CCN4: variants seen among roughly 807,000 people sequenced by gnomAD.
CCN4 encodes CCN family member 4.
CCN4 carries 30 observed loss-of-function variants against 36.7 expected under a neutral mutation model. The ratio of observed to expected loss-of-function variants is 0.82; its 90% CI spans 0.61 to 1.11. The LOEUF (loss-of-function observed/expected upper bound fraction) is 1.11, where lower values mean the gene tolerates loss of function less well. CCN4 is among the 50% of genes least tolerant of loss of function. The pLI is 0.00. For missense variants in CCN4, 505 were observed against 504.9 expected (o/e 1.00, Z 0.00); for synonymous variants, 191 against 195.4 (o/e 0.98, Z 0.19).
chr8:133,192,192 G>A (rs933483384), intron 1 of CCN4, among the ~76,000 whole-genome samples: 12 of 152,178 alleles, frequency 7.9e-5, no homozygotes, highest in African/African-American at 2.9e-4. Flanking sequence ...TTCCTTGGGG[G>A]TTAAGAAGCC....
intron 1 of CCN4, among the ~76,000 whole-genome samples, chr8:133,212,526 T>A (rs532316118): frequency 6.6e-6 from 1 of 151,926 alleles, no homozygotes; most frequent in South Asian, 2.1e-4. Flanking sequence ...GGCCTCGGCT[T>A]TCTCCCTGTA....
rs867849782 is a variant in CCN4 at position 133,206,190 on chromosome 8, T to C, written c.70-6674T>C. On this transcript the variant is annotated intron_variant, in intron 1 of 4. Transcript: ENST00000250160. Reference sequence around the variant, plus strand: ...ACACATTTCCTTCAGGATGTGTTGATGTTCTGGACCAACAGAGACACCCCC... The same window carrying C: ...ACACATTTCCTTCAGGATGTGTTGACGTTCTGGACCAACAGAGACACCCCC... Among the ~76,000 whole-genome samples, 28 of 152,282 alleles carry C rather than the reference T, an allele frequency of 1.8e-4. No homozygotes were observed. In the South Asian group the frequency reaches 4.6e-3, roughly 25 times the overall value.
At chr8:133,204,946 C>T (rs1159385913) in intron 1 of CCN4, among the ~76,000 whole-genome samples, 1 of 152,232 alleles carries the variant, frequency 6.6e-6, no homozygotes, top group Non-Finnish European at 1.5e-5. Context: ...AATGCCCAGG[C>T]TCCTCCCAGG....
intron 1 of CCN4, among the ~76,000 whole-genome samples, chr8:133,192,829 G>A (rs1853164372): frequency 6.6e-6 from 1 of 152,212 alleles, no homozygotes; most frequent in Non-Finnish European, 1.5e-5. Context: ...CAGAACAGCC[G>A]GTGCTGAGGA....
chr8:133,222,163 G>A (rs2130613744), intron 3 of CCN4, among the ~76,000 whole-genome samples: 1 of 152,308 alleles, frequency 6.6e-6, no homozygotes, highest in South Asian at 2.1e-4. Context: ...TGGGTGGGTA[G>A]GTGGATAGAT....
chr8:133,212,987 G>T lies in CCN4; in HGVS notation c.193G>T (p.Gly65Trp). The change falls in exon 2 of 5, where the codon GGG (glycine) becomes TGG (tryptophan). Residue 65 changes from glycine (G) to tryptophan (W), a missense_variant. Coordinates refer to ENST00000250160, the MANE Select transcript of CCN4 (RefSeq NM_003882.4). ...CPPSPPRCPL[G>W]VSLITDGCEC... ...GCCATCCCCACCCCGCTGCCCGCTG[G>T]GGGTCAGCCTCATCACAGATGGCTG... 1 of 1,614,124 alleles carries T rather than the reference G, an allele frequency of 6.2e-7. No individual in the cohort carries two copies. The highest frequency in any genetic ancestry group is 8.5e-7 in the Non-Finnish European group (1 of 1,180,002).
At chr8:133,203,137 A>G (rs981515371) in intron 1 of CCN4, among the ~76,000 whole-genome samples, 41 of 152,280 alleles carry the variant, frequency 2.7e-4, no homozygotes, top group Admixed American at 2.4e-3. Context: ...CCGACCGTCC[A>G]CACTGCTCAC....
chr8:133,214,037 C>A (rs1240557050), intron 2 of CCN4, among the ~76,000 whole-genome samples: 65 of 144 alleles, frequency 0.45, no homozygotes, highest in Admixed American at 0.5. Flanking sequence ...ACTATATATA[C>A]ACTATATATA....
In CCN4 at chr8:133,228,985, CTAT is replaced by C. The variant is rs1854852730; in HGVS notation, c.*1280_*1282del. 6.6e-6 allele frequency: 1 copy of C among 152,174 alleles called. No homozygotes were observed. The highest frequency in any genetic ancestry group is 6.5e-5 in the Admixed American group (1 of 15,284). 9.4% of individuals were successfully genotyped at this position (152,174 alleles called of 1,614,324 possible). On this transcript the variant is annotated 3_prime_UTR_variant, in exon 5 of 5. Coordinates refer to ENST00000250160, the MANE Select transcript of CCN4 (RefSeq NM_003882.4). ...AAGGTTGTTGTTAATGAATATCAGG[CTAT>C]TATTTATTGTATTAGGAAAATATAA...
At chr8:133,222,173 T>C (rs561877414) in intron 3 of CCN4, among the ~76,000 whole-genome samples, 7 of 152,252 alleles carry the variant, frequency 4.6e-5, no homozygotes, top group Admixed American at 1.3e-4. Context: ...GGTGGATAGA[T>C]GGATGGGCTA....
rs1200614403 is a variant in CCN4, at chr8:133,228,476, C to T, written c.*766C>T. 1.3e-5 allele frequency: 2 copies of T among 152,368 alleles called. No homozygotes were observed. Among genetic ancestry groups the T allele is most frequent in the Non-Finnish European group, 2.9e-5 (2 of 68,070 alleles). 9.4% of individuals were successfully genotyped at this position (152,368 alleles called of 1,614,324 possible). A position where few individuals can be genotyped will look rare whatever the true frequency, so the allele number is the denominator to read the frequency against. ...CCCGTTTCAGAAGGACCAATTGACT[C>T]TCACACTGAATCAGCTGCTGACTGG... On this transcript the variant is annotated 3_prime_UTR_variant, in exon 5 of 5. Transcript: ENST00000250160.
rs773691662 is a variant in CCN4 at position 133,227,484 on chromosome 8, C to G, written c.878C>G (p.Thr293Arg). The change falls in exon 5 of 5, where the codon ACA becomes AGA. Residue 293 changes from threonine (T) to arginine (R), a missense_variant. Physicochemically the swap from Thr to Arg is moderately conservative, Grantham distance 71. Transcript: ENST00000250160. ...TTCACACTTGCGGGCTGCATCAGCA[C>G]ACGCTCCTATCAACCCAAGTACTGT... ...MNFTLAGCIS[T>R]RSYQPKYCGV... The G allele has an allele frequency of 2.5e-5, 40 of 1,614,100 alleles. No homozygotes were observed. The highest frequency in any genetic ancestry group is 3.2e-5 in the Non-Finnish European group (38 of 1,180,048).
chr8:133,206,563 A>G (rs1458457123), intron 1 of CCN4, among the ~76,000 whole-genome samples: 1 of 152,196 alleles, frequency 6.6e-6, no homozygotes, highest in South Asian at 2.1e-4. Flanking sequence ...TAGAGATGTC[A>G]TGCCATCCTG....
chr8:133,226,579 T>C (rs1319067318), intron 4 of CCN4, among the ~76,000 whole-genome samples: 1 of 152,226 alleles, frequency 6.6e-6, no homozygotes, highest in African/African-American at 2.4e-5. Flanking sequence ...AAAACGTACA[T>C]GGAAAAGGTA....
Position 133,231,410 on chromosome 8 carries a change from G to GA in CCN4, c.*3703dup, listed in dbSNP as rs1854961269. On this transcript the variant is annotated 3_prime_UTR_variant, in exon 5 of 5. Coordinates refer to ENST00000250160, the MANE Select transcript of CCN4 (RefSeq NM_003882.4). ...TTGTGACTGAAAAACTACACATGAG[G>GA]AAACGTCTTAGAATTTTCCAATAGA... The GA allele has an allele frequency of 6.6e-6, 1 of 152,134 alleles. No homozygotes were observed. The highest frequency in any genetic ancestry group is 1.5e-5 in the Non-Finnish European group (1 of 68,022). The allele number at this position is 152,134 out of a possible 1,614,324, so 9.4% of individuals were successfully genotyped here. A position where few individuals can be genotyped will look rare whatever the true frequency, so the allele number is the denominator to read the frequency against.
chr8:133,206,260 C>T (rs1452961033), intron 1 of CCN4, among the ~76,000 whole-genome samples: 1 of 152,188 alleles, frequency 6.6e-6, no homozygotes, highest in African/African-American at 2.4e-5. Context: ...CACATACGTG[C>T]CCCAGATATT....
chr8:133,221,200 G>A (rs995862842), intron 3 of CCN4, among the ~76,000 whole-genome samples: 4 of 152,246 alleles, frequency 2.6e-5, no homozygotes, highest in Admixed American at 2.0e-4. Context: ...GAGGAGATGG[G>A]TCTAGTAGAA....
intron 1 of CCN4, among the ~76,000 whole-genome samples, chr8:133,193,028 C>T (rs1050773519): frequency 6.6e-6 from 1 of 152,232 alleles, no homozygotes; most frequent in Non-Finnish European, 1.5e-5. Context: ...TTAGATGCTT[C>T]TGGGACAGAG....
intron 1 of CCN4, 51 bp from the exon 2 acceptor site, chr8:133,212,813 T>A: frequency 7.0e-7 from 1 of 1,418,886 alleles, no homozygotes; most frequent in Non-Finnish European, 9.6e-7. Context: ...CCTTTGGGCG[T>A]TGAAACCCCT....
Sources: allele counts gnomAD v4.1 joint callset (sites outside exome capture counted in the v4.1 genomes callset), GRCh38; gene constraint gnomAD v4.1.1; transcripts MANE v1.5; gene names NCBI Gene and HGNC (gene_info 2026-07-23, HGNC 2026-07-21).